The following PLEKHB2 variants were observed in gnomAD, a reference collection of about 807,000 sequenced individuals.
The protein encoded by PLEKHB2 is pleckstrin homology domain-containing family B member 2.
PLEKHB2 carries 31 observed loss-of-function variants against 36.5 expected under a neutral mutation model. That is an observed-to-expected ratio of 0.85 (90% confidence interval 0.64 to 1.15). The LOEUF (loss-of-function observed/expected upper bound fraction) is 1.15, where lower values mean the gene tolerates loss of function less well. Ranked by LOEUF, PLEKHB2 falls within the 50% of genes most tolerant of loss-of-function variation. PLEKHB2 has a pLI of 0.00. For synonymous variants in PLEKHB2, 119 were observed against 112.0 expected, an observed-to-expected ratio of 1.06 and a Z score of -0.39; for missense variants, 262 against 295.3, an observed-to-expected ratio of 0.89 and a Z score of 0.83.
chr2:131,131,250 T>C (rs575094332), intron 5 of PLEKHB2, among the ~76,000 whole-genome samples: 1 of 152,380 alleles, frequency 6.6e-6, no homozygotes, highest in Non-Finnish European at 1.5e-5. Flanking sequence ...GGCACCCTGC[T>C]CTTACAGGCA....
intron 5 of PLEKHB2, among the ~76,000 whole-genome samples, chr2:131,131,619 G>C (rs1328305373): frequency 2.0e-5 from 3 of 152,166 alleles, no homozygotes; most frequent in Admixed American, 6.5e-5. Context: ...GCTTACAGAA[G>C]AATGTGTGCA....
chr2:131,109,837 G>T (rs1007847873), intron 1 of PLEKHB2, among the ~76,000 whole-genome samples: 1 of 152,050 alleles, frequency 6.6e-6, no homozygotes, highest in African/African-American at 2.4e-5. Flanking sequence ...TATTTTGGCT[G>T]GGTGTGGTGG....
chr2:131,146,645 G>A lies in PLEKHB2; in HGVS notation c.541G>A (p.Gly181Arg). The stretch of plus-strand genomic sequence containing the variant: ...TTTTCCTTCTCTTTTAGGACTTTAT[G>A]GACAGCAGCCTGCTAACCAAGTCAT... Reference protein sequence around the residue: ...PYQYPYAGLYGQQPANQVIIR... With the variant: ...PYQYPYAGLYRQQPANQVIIR... The change falls in exon 8 of 8, where the codon GGA (glycine) becomes AGA (arginine). Residue 181 changes from glycine to arginine, a missense_variant. Transcript: ENST00000693505. 1 of 1,611,594 alleles carries A rather than the reference G, an allele frequency of 6.2e-7. No homozygotes were observed. The highest frequency in any genetic ancestry group is 8.5e-7 in the Non-Finnish European group (1 of 1,179,044).
intron 4 of PLEKHB2, among the ~76,000 whole-genome samples, chr2:131,130,403 A>G (rs141775194): frequency 1.2e-3 from 187 of 152,290 alleles, no homozygotes; most frequent in Non-Finnish European, 1.5e-3. Flanking sequence ...CATATCGTGG[A>G]ATATTATATA....
intron 2 of PLEKHB2, 57 bp from the exon 3 acceptor site, chr2:131,125,696 A>C: frequency 6.7e-7 from 1 of 1,487,298 alleles, no homozygotes; most frequent in Admixed American, 2.0e-5. Context: ...AACTTGGGCG[A>C]AATAGTAAGA....
intron 1 of PLEKHB2, among the ~76,000 whole-genome samples, chr2:131,112,505 G>T (rs560383567): frequency 6.6e-6 from 1 of 152,330 alleles, no homozygotes; most frequent in South Asian, 2.1e-4. Context: ...TATAAATAGA[G>T]AGTTTATTTA....
intron 2 of PLEKHB2, among the ~76,000 whole-genome samples, chr2:131,123,769 C>G (rs1159057775): frequency 3.0e-5 from 1 of 33,598 alleles, no homozygotes; most frequent in East Asian, 1.5e-3. Flanking sequence ...CTGGTCCACC[C>G]CCCCCACCCC....
At chr2:131,130,564 A>G (rs530630112) in intron 4 of PLEKHB2, among the ~76,000 whole-genome samples, 157 bp from the exon 5 acceptor site, 2 of 152,322 alleles carry the variant, frequency 1.3e-5, no homozygotes, top group Non-Finnish European at 2.9e-5. Flanking sequence ...ATTTTTAAAA[A>G]TATATATTCC....
intron 7 of PLEKHB2, among the ~76,000 whole-genome samples, chr2:131,141,699 G>A (rs1260846649): frequency 1.3e-5 from 2 of 150,950 alleles, no homozygotes; most frequent in Non-Finnish European, 2.9e-5. Context: ...ATTGTCTTGT[G>A]AGCCTAGCAC....
At chr2:131,139,983 A>C (rs1391937215) in intron 6 of PLEKHB2, among the ~76,000 whole-genome samples, 184 bp from the exon 7 acceptor site, 1 of 152,114 alleles carries the variant, frequency 6.6e-6, no homozygotes, top group African/African-American at 2.4e-5. Context: ...AGTGGACTCC[A>C]ATTGTAGCTT....
chr2:131,144,846 G>C (rs1699126126), intron 7 of PLEKHB2, among the ~76,000 whole-genome samples: 1 of 152,194 alleles, frequency 6.6e-6, no homozygotes, highest in African/African-American at 2.4e-5. Context: ...CATTAGGTCA[G>C]CTCACAAGTT....
Position 131,130,675 on chromosome 2 carries a change from C to T in PLEKHB2, c.294-46C>T, listed in dbSNP as rs1367646070. 4.4e-6 allele frequency: 6 copies of T among 1,356,946 alleles called. No individual in the cohort carries two copies. In the East Asian group the frequency reaches 1.4e-4, roughly 31 times the overall value. 84.1% of individuals were successfully genotyped at this position (1,356,946 alleles called of 1,614,324 possible). On this transcript the variant is annotated intron_variant, in intron 4 of 7. Transcript: ENST00000693505. ...GCCAGCCCAGGTTTCAGAATCATTGCAATGTTGGATTGCCTTAAATAAAGT... is the reference window on the plus strand; with the variant it reads ...GCCAGCCCAGGTTTCAGAATCATTGTAATGTTGGATTGCCTTAAATAAAGT...
chr2:131,111,337 C>T (rs1471092259), intron 1 of PLEKHB2, among the ~76,000 whole-genome samples: 2 of 146,526 alleles, frequency 1.4e-5, no homozygotes, highest in African/African-American at 5.0e-5. Context: ...GGCTCATCCT[C>T]TAATTTTTTT....
chr2:131,115,195 A>G (rs937475830), intron 1 of PLEKHB2, among the ~76,000 whole-genome samples: 3 of 152,126 alleles, frequency 2.0e-5, no homozygotes, highest in East Asian at 1.9e-4. Flanking sequence ...TGTGAGACTT[A>G]TTCACTACCA....
rs749623802 is a variant in PLEKHB2, at chr2:131,140,205, G to T, written c.462G>T (p.Pro154=). The T allele has an allele frequency of 3.3e-5, 54 of 1,613,418 alleles. 1 individual carries two copies. The highest frequency in any genetic ancestry group is 1.3e-5 in the Non-Finnish European group (15 of 1,179,588). ...YGYGPYGGAY[P]PGTQVVYAAN... The stretch of plus-strand genomic sequence containing the variant: ...ATGGGCCATACGGTGGTGCGTACCC[G>T]CCAGGAACTCAAGTTGTCTACGCTG... The change falls in exon 7 of 8, where the codon CCG becomes CCT. Residue 154 remains proline (P), a synonymous_variant. Coordinates refer to ENST00000693505, the MANE Select transcript of PLEKHB2 (RefSeq NM_001100623.2).
intron 1 of PLEKHB2, among the ~76,000 whole-genome samples, chr2:131,105,818 T>C (rs777399264): frequency 2.0e-5 from 3 of 152,090 alleles, no homozygotes; most frequent in African/African-American, 7.2e-5. Flanking sequence ...GTGTCCCACA[T>C]GTCTGACTGC....
At chr2:131,138,670 G>A (rs987065520) in intron 6 of PLEKHB2, among the ~76,000 whole-genome samples, 2 of 152,182 alleles carry the variant, frequency 1.3e-5, no homozygotes, top group African/African-American at 4.8e-5. Context: ...AGCCCACCCT[G>A]TCTGAGAAGA....
Position 131,105,384 on chromosome 2 carries a change from C to T in PLEKHB2, c.-23C>T, listed in dbSNP as rs1018822484. 6.6e-6 allele frequency: 1 copy of T among 152,356 alleles called. No homozygotes were observed. The highest frequency in any genetic ancestry group is 2.4e-5 in the African/African-American group (1 of 41,462). The allele number at this position is 152,356 out of a possible 1,614,324, so 9.4% of individuals were successfully genotyped here. ...ATCGCCGTGGCGTCTTGGTGTTCTC[C>T]ACGCTGGTTCGCAGGTGAGTGTCCC... On this transcript the variant is annotated 5_prime_UTR_variant, in exon 1 of 8. Coordinates refer to ENST00000693505, the MANE Select transcript of PLEKHB2 (RefSeq NM_001100623.2).
Position 131,124,283 on chromosome 2 carries a change from A to T in PLEKHB2, c.38-1470A>T, listed in dbSNP as rs916563906. Reference sequence around the variant, plus strand: ...TACTGGCAGGAAAGCCGAATGGCGCATATCTGGTTGACACCAGTTGCAGGC... The same window carrying T: ...TACTGGCAGGAAAGCCGAATGGCGCTTATCTGGTTGACACCAGTTGCAGGC... On this transcript the variant is annotated intron_variant, in intron 2 of 7. Transcript: ENST00000693505. Among the ~76,000 whole-genome samples, 3 of 152,342 alleles carry T rather than the reference A, an allele frequency of 2.0e-5. 1 individual carries two copies. The highest frequency in any genetic ancestry group is 6.5e-5 in the Admixed American group (1 of 15,300).
Sources: gnomAD v4.1 joint callset for allele counts (sites outside exome capture counted in the v4.1 genomes callset) on GRCh38, gnomAD v4.1.1 for gene constraint, MANE v1.5 for transcripts, NCBI Gene and HGNC (gene_info 2026-07-23, HGNC 2026-07-21) for gene names.